SETBP1: variants seen among roughly 807,000 people sequenced by gnomAD.
SETBP1 encodes SET binding protein 1.
SETBP1 carries 9 observed loss-of-function variants against 101.0 expected under a neutral mutation model. The observed-to-expected ratio is 0.09, with a 90% CI of 0.05 to 0.16. The LOEUF (loss-of-function observed/expected upper bound fraction) is 0.16. Ranked by LOEUF, SETBP1 falls within the 10% of genes least tolerant of loss-of-function variation. The pLI is 1.00. For missense variants in SETBP1, 1,858 were observed against 2,033.8 expected (o/e 0.91, Z 1.66); for synonymous variants, 818 against 788.5 (o/e 1.04, Z -0.63).
At chr18:44,898,435 G>A (rs375654480) in intron 3 of SETBP1, among the ~76,000 whole-genome samples, 8 of 152,152 alleles carry the variant, frequency 5.3e-5, no homozygotes, top group Admixed American at 3.3e-4. Context: ...CTAATTTAGC[G>A]TGGCTAGAAT....
intron 2 of SETBP1, among the ~76,000 whole-genome samples, chr18:44,803,901 G>A (rs1016228124): frequency 6.6e-6 from 1 of 150,402 alleles, no homozygotes; most frequent in African/African-American, 2.5e-5. Flanking sequence ...AAGTAGTGAT[G>A]TCTTCTCATG....
At position 44,945,008 on chromosome 18, in the gene SETBP1, T is replaced by A. The variant is rs188657147; in HGVS notation, c.541-4873T>A. 6.9e-3 allele frequency among the ~76,000 whole-genome samples: 1,032 copies of A among 150,144 alleles called. 5 individuals are homozygous for A. The highest frequency in any genetic ancestry group is 0.01 in the Non-Finnish European group (700 of 67,918). On this transcript the variant is annotated intron_variant, in intron 3 of 5. Coordinates refer to ENST00000649279, the MANE Select transcript of SETBP1 (RefSeq NM_015559.3). ...TTACACACACTTTATTTTTTTATAT[T>A]TTTTTTATACTTTTAAGTTCTAGGA...
chr18:44,942,777 T>C (rs982335107), intron 3 of SETBP1, among the ~76,000 whole-genome samples: 3 of 152,238 alleles, frequency 2.0e-5, no homozygotes, highest in Admixed American at 6.5e-5. Context: ...TTTTGAGTTA[T>C]GCAGAATTAT....
At chr18:44,972,499 T>C (rs2071888926) in intron 4 of SETBP1, among the ~76,000 whole-genome samples, 2 of 152,262 alleles carry the variant, frequency 1.3e-5, no homozygotes, top group African/African-American at 2.4e-5. Flanking sequence ...TGATTCTTCC[T>C]ACCCATGAGC....
At chr18:45,053,847 T>C (rs1443102407) in intron 5 of SETBP1, among the ~76,000 whole-genome samples, 3 of 152,116 alleles carry the variant, frequency 2.0e-5, no homozygotes, top group Non-Finnish European at 4.4e-5. Flanking sequence ...TGGGGTATTA[T>C]ATAAGAGAAG....
rs941458020 is a variant in SETBP1, at chr18:44,852,544, G to A, written c.487-16686G>A. On this transcript the variant is annotated intron_variant, in intron 2 of 5. Transcript: ENST00000649279. ...GCCATGTGATCTATCAGGGCTGGTA[G>A]GGATAATAATATTCTCACTAATATC... Among the ~76,000 whole-genome samples, 159 of 152,268 alleles carry A rather than the reference G, an allele frequency of 1.0e-3. 1 individual carries two copies. The highest frequency in any genetic ancestry group is 3.8e-3 in the African/African-American group (157 of 41,536).
chr18:44,961,309 A>C (rs1174681423), intron 4 of SETBP1, among the ~76,000 whole-genome samples: 1 of 152,216 alleles, frequency 6.6e-6, no homozygotes, highest in African/African-American at 2.4e-5. Context: ...AAACAAATGA[A>C]AATATGCATG....
chr18:44,825,776 G>A (rs1299501918), intron 2 of SETBP1, among the ~76,000 whole-genome samples: 5 of 152,104 alleles, frequency 3.3e-5, no homozygotes, highest in African/African-American at 4.8e-5. Context: ...TGTCTTTGCC[G>A]GGAGCTCTTC....
intron 4 of SETBP1, among the ~76,000 whole-genome samples, chr18:44,997,144 A>G (rs1282723464): frequency 2.0e-5 from 3 of 152,062 alleles, no homozygotes; most frequent in African/African-American, 7.2e-5. Flanking sequence ...TCTTTGTGTC[A>G]CTGCATCCCC....
At chr18:44,775,663 T>G (rs894198406) in intron 2 of SETBP1, among the ~76,000 whole-genome samples, 2 of 152,148 alleles carry the variant, frequency 1.3e-5, no homozygotes, top group Non-Finnish European at 2.9e-5. Context: ...AGCGTACTTT[T>G]CATGTTTAGG....
At chr18:44,723,831 C>T (rs746023151) in intron 2 of SETBP1, among the ~76,000 whole-genome samples, 3 of 152,068 alleles carry the variant, frequency 2.0e-5, no homozygotes, top group Non-Finnish European at 4.4e-5. Context: ...GCTTCACTGC[C>T]GGGCATTTTG....
chr18:44,849,585 G>C (rs2072803749), intron 2 of SETBP1, among the ~76,000 whole-genome samples: 1 of 152,158 alleles, frequency 6.6e-6, no homozygotes. Flanking sequence ...CTGCATGGCA[G>C]TAGCACATCC....
At chr18:44,772,094 C>A (rs1044593324) in intron 2 of SETBP1, among the ~76,000 whole-genome samples, 4 of 152,118 alleles carry the variant, frequency 2.6e-5, no homozygotes, top group African/African-American at 9.7e-5. Flanking sequence ...CCTCTTTCCC[C>A]ATCCTCTCCC....
At chr18:44,745,403 G>T (rs1296054550) in intron 2 of SETBP1, among the ~76,000 whole-genome samples, 1 of 152,132 alleles carries the variant, frequency 6.6e-6, no homozygotes, top group African/African-American at 2.4e-5. Flanking sequence ...CGCAGCCTCA[G>T]TTCTGTCCTT....
At chr18:44,814,057 C>T (rs1376293403) in intron 2 of SETBP1, among the ~76,000 whole-genome samples, 1 of 151,988 alleles carries the variant, frequency 6.6e-6, no homozygotes, top group African/African-American at 2.4e-5. Context: ...TAGTGGAGGA[C>T]CCAGGCAAAA....
chr18:45,045,233 C>T (rs1020043020), intron 5 of SETBP1, among the ~76,000 whole-genome samples: 1 of 152,188 alleles, frequency 6.6e-6, no homozygotes. Context: ...ACCAGACTGG[C>T]CAAGATGGAG....
chr18:44,696,692 A>G (rs914577773), intron 1 of SETBP1, among the ~76,000 whole-genome samples: 9 of 152,166 alleles, frequency 5.9e-5, no homozygotes, highest in Admixed American at 1.3e-4. Context: ...GCAAAATTAC[A>G]AAGTGTTAAG....
chr18:44,781,948 TTTGCAACCCTTAACGTTTTG>T (rs2071140035), intron 2 of SETBP1, among the ~76,000 whole-genome samples: 1 of 152,228 alleles, frequency 6.6e-6, no homozygotes, highest in Non-Finnish European at 1.5e-5. Flanking sequence ...ACTCTCACTA[TTTGCAACCCTTAACGTTTTG>T]AGTTTGTTAT....
intron 2 of SETBP1, among the ~76,000 whole-genome samples, chr18:44,859,130 CATG>C (rs1430056387): frequency 6.6e-6 from 1 of 152,104 alleles, no homozygotes; most frequent in Admixed American, 6.5e-5. Flanking sequence ...AGAAGATACA[CATG>C]ATAATTAACA....
Sources: allele counts gnomAD v4.1 joint callset (sites outside exome capture counted in the v4.1 genomes callset), GRCh38; gene constraint gnomAD v4.1.1; transcripts MANE v1.5; gene names NCBI Gene and HGNC (gene_info 2026-07-23, HGNC 2026-07-21).